The following ADD1 variants were observed in gnomAD, a reference collection of about 807,000 sequenced individuals.
ADD1 encodes adducin 1.
A neutral mutation model predicts 80.5 loss-of-function variants in ADD1; 24 were observed. That is an observed-to-expected ratio of 0.30 (90% CI 0.22 to 0.42). The LOEUF is 0.42. ADD1 is among the 10% of genes least tolerant of loss of function. ADD1 has a pLI of 1.00. For missense variants in ADD1, 948 were observed against 1,019.0 expected (o/e 0.93, Z 0.95); for synonymous variants, 373 against 393.8 (o/e 0.95, Z 0.63).
chr4:2,847,663 T>C (rs1271178236), intron 1 of ADD1, among the ~76,000 whole-genome samples: 4 of 146,644 alleles, frequency 2.7e-5, no homozygotes, highest in Non-Finnish European at 1.5e-5. Flanking sequence ...GAAGTCCTGA[T>C]TGACATGTGC....
chr4:2,919,443 C>G (rs1334258390), intron 14 of ADD1, among the ~76,000 whole-genome samples: 1 of 152,148 alleles, frequency 6.6e-6, no homozygotes, highest in Non-Finnish European at 1.5e-5. Context: ...CTGGTAGAAT[C>G]TGGCTGTGAA....
chr4:2,901,118 G>C (rs1361102873), intron 9 of ADD1: 1 of 152,612 alleles, frequency 6.6e-6, no homozygotes, highest in African/African-American at 2.4e-5. Flanking sequence ...AAGCTGCAGG[G>C]ACTCATAGAT....
At chr4:2,864,309 A>G (rs983751891) in intron 1 of ADD1, among the ~76,000 whole-genome samples, 4 of 152,132 alleles carry the variant, frequency 2.6e-5, no homozygotes, top group Non-Finnish European at 5.9e-5. Flanking sequence ...GCTGTTCGGG[A>G]GGCTGAGGCA....
chr4:2,854,404 C>G (rs1311695493), intron 1 of ADD1, among the ~76,000 whole-genome samples: 3 of 152,170 alleles, frequency 2.0e-5, no homozygotes, highest in Non-Finnish European at 4.4e-5. Context: ...TTCTGTATAT[C>G]TCTAATGATC....
At chr4:2,874,556 G>A (rs1262669940) in intron 1 of ADD1, among the ~76,000 whole-genome samples, 2 of 149,884 alleles carry the variant, frequency 1.3e-5, no homozygotes, top group Non-Finnish European at 3.0e-5. Flanking sequence ...TCAGTGAGCC[G>A]AGATCATGCC....
chr4:2,885,178 A>G (rs576465637), intron 4 of ADD1, among the ~76,000 whole-genome samples: 4 of 152,208 alleles, frequency 2.6e-5, no homozygotes, highest in Admixed American at 2.6e-4. Flanking sequence ...CTTCATCCCA[A>G]TCCATTAGCC....
chr4:2,917,221 G>A (rs1417671618), intron 14 of ADD1, among the ~76,000 whole-genome samples: 1 of 152,106 alleles, frequency 6.6e-6, no homozygotes, highest in Non-Finnish European at 1.5e-5. Flanking sequence ...TTTAATGATC[G>A]CCACTGTAAC....
rs1369261441 is a variant in ADD1, at chr4:2,904,664, T to C, written c.1162-100T>C. 5.7e-6 allele frequency: 6 copies of C among 1,054,452 alleles called. No individual in the cohort carries two copies. In the East Asian group the frequency reaches 9.6e-5, roughly 17 times the overall value. 65.3% of individuals were successfully genotyped at this position (1,054,452 alleles called of 1,614,324 possible). On this transcript the variant is annotated intron_variant, in intron 9 of 15. Coordinates refer to ENST00000683351, the MANE Select transcript of ADD1 (RefSeq NM_001354761.2). ...GAATTACTGAGTCATAGGGTATGCATGTGTTCAACTTTTGTGGATGTTTCC... is the reference window on the plus strand; with the variant it reads ...GAATTACTGAGTCATAGGGTATGCACGTGTTCAACTTTTGTGGATGTTTCC...
intron 13 of ADD1, among the ~76,000 whole-genome samples, chr4:2,909,930 C>T (rs886785620): frequency 1.4e-5 from 2 of 144,214 alleles, no homozygotes; most frequent in Admixed American, 7.2e-5. Flanking sequence ...TTCAGACAGT[C>T]TTTGTCAGCC....
At chr4:2,877,409 T>C (rs1404807497) in intron 2 of ADD1, among the ~76,000 whole-genome samples, 4 of 152,162 alleles carry the variant, frequency 2.6e-5, no homozygotes, top group Admixed American at 2.6e-4. Flanking sequence ...TTAGTTGTTG[T>C]TACTGAGTTA....
chr4:2,848,840 C>T (rs1726648003), intron 1 of ADD1, among the ~76,000 whole-genome samples: 1 of 152,062 alleles, frequency 6.6e-6, no homozygotes, highest in South Asian at 2.1e-4. Context: ...ATATTGGGCA[C>T]TTATGAGGTA....
At chr4:2,859,680 C>T (rs964824065) in intron 1 of ADD1, among the ~76,000 whole-genome samples, 2 of 152,212 alleles carry the variant, frequency 1.3e-5, no homozygotes, top group Admixed American at 6.5e-5. Context: ...GCTTCCTTTT[C>T]GGAGTATGTA....
In ADD1 at chr4:2,908,538, C is replaced by A. The variant is rs201174055; in HGVS notation, c.1632C>A (p.Asp544Glu). The change falls in exon 12 of 16, where the codon GAC (aspartate) becomes GAA (glutamate). Residue 544 changes from aspartate to glutamate, a missense_variant. By Grantham distance (45) the Asp-to-Glu change is conservative (BLOSUM62 2). Coordinates refer to ENST00000683351, the MANE Select transcript of ADD1 (RefSeq NM_001354761.2). The part of the protein sequence containing the change: ...RNKIREQNLQ[D>E]IKTAGPQSQV... ...AGATCCGAGAGCAGAATTTACAGGA[C>A]ATTAAGACGGCTGGCCCTCAGTCCC... 6.2e-7 allele frequency: 1 copy of A among 1,614,230 alleles called. No individual in the cohort carries two copies. Among genetic ancestry groups the A allele is most frequent in the South Asian group, 1.1e-5 (1 of 91,088 alleles).
Position 2,896,906 on chromosome 4 carries a change from A to G in ADD1, c.742-1278A>G, listed in dbSNP as rs138925350. Among the ~76,000 whole-genome samples the G allele has an allele frequency of 1.1e-3, 166 of 152,096 alleles. 1 individual carries two copies. The highest frequency in any genetic ancestry group is 3.5e-3 in the Admixed American group (54 of 15,288). ...CCTGAGTAGGTGGGACTACAGGTGC[A>G]CGCCACTGCACCTGGCTAATGTTTT... On this transcript the variant is annotated intron_variant, in intron 6 of 15. Coordinates refer to ENST00000683351, the MANE Select transcript of ADD1 (RefSeq NM_001354761.2).
intron 13 of ADD1, among the ~76,000 whole-genome samples, chr4:2,911,594 C>A (rs1408084477): frequency 6.6e-6 from 1 of 151,836 alleles, no homozygotes; most frequent in Non-Finnish European, 1.5e-5. Context: ...GCTGGGACTA[C>A]AGGTGCACAT....
intron 4 of ADD1, among the ~76,000 whole-genome samples, chr4:2,893,722 C>T (rs1057036096): frequency 1.3e-5 from 2 of 152,088 alleles, no homozygotes; most frequent in Admixed American, 6.6e-5. Flanking sequence ...GACAGAGTAA[C>T]CCAGCAGTAA....
chr4:2,920,540 T>C (rs891673617), intron 14 of ADD1, among the ~76,000 whole-genome samples: 1 of 152,198 alleles, frequency 6.6e-6, no homozygotes, highest in African/African-American at 2.4e-5. Context: ...ATATTTAAGA[T>C]AGTTAGTTCT....
chr4:2,875,726 G>C (rs1156450548), intron 1 of ADD1, among the ~76,000 whole-genome samples, 170 bp from the exon 2 acceptor site: 2 of 152,182 alleles, frequency 1.3e-5, no homozygotes, highest in East Asian at 1.9e-4. Flanking sequence ...TGGTTGATCA[G>C]CCATGTGCCT....
chr4:2,877,556 G>T (rs1731553144), intron 2 of ADD1, among the ~76,000 whole-genome samples: 1 of 151,898 alleles, frequency 6.6e-6, no homozygotes, highest in African/African-American at 2.4e-5. Context: ...GAACAAGCAG[G>T]AGGGCAATGC....
Sources: gnomAD v4.1 joint callset for allele counts (sites outside exome capture counted in the v4.1 genomes callset) on GRCh38, gnomAD v4.1.1 for gene constraint, MANE v1.5 for transcripts, NCBI Gene and HGNC (gene_info 2026-07-23, HGNC 2026-07-21) for gene names.